LRMDA: variants seen among roughly 807,000 people sequenced by gnomAD.
LRMDA encodes the protein leucine-rich melanocyte differentiation-associated protein.
In LRMDA, 18 loss-of-function variants were observed where a neutral mutation model predicts 29.8. The ratio of observed to expected loss-of-function variants is 0.60; its 90% CI spans 0.42 to 0.90. The LOEUF (loss-of-function observed/expected upper bound fraction) is 0.90. Among genes scored for constraint, LRMDA ranks in the 40% least tolerant of loss-of-function variants. The pLI is 0.00. For synonymous variants in LRMDA, 125 were observed against 109.4 expected (o/e 1.14, Z -0.89); for missense variants, 273 against 273.9 (o/e 1.00, Z 0.02).
intron 5 of LRMDA, among the ~76,000 whole-genome samples, chr10:76,081,529 G>A (rs1849050150): frequency 6.6e-6 from 1 of 152,196 alleles, no homozygotes; most frequent in Non-Finnish European, 1.5e-5. Flanking sequence ...GCCACAGATT[G>A]TGTTTAGGAT....
intron 5 of LRMDA, among the ~76,000 whole-genome samples, chr10:76,130,112 A>G (rs1589340552): frequency 9.7e-6 from 1 of 102,910 alleles, no homozygotes; most frequent in African/African-American, 4.9e-5. Flanking sequence ...GTGGCTGCTC[A>G]AAGTTTTTTT....
intron 6 of LRMDA, among the ~76,000 whole-genome samples, chr10:76,473,440 C>A (rs538534576): frequency 8.6e-5 from 13 of 151,482 alleles, no homozygotes; most frequent in Middle Eastern, 3.4e-3. Context: ...TGTTTTCCCC[C>A]CTATGATCAG....
intron 2 of LRMDA, among the ~76,000 whole-genome samples, chr10:75,999,236 C>T (rs1261152033): frequency 6.6e-6 from 1 of 152,190 alleles, no homozygotes; most frequent in Non-Finnish European, 1.5e-5. Context: ...GGCACAAGGA[C>T]TACCTTCTTT....
intron 6 of LRMDA, among the ~76,000 whole-genome samples, chr10:76,533,632 G>A (rs1843259990): frequency 6.6e-6 from 1 of 152,078 alleles, no homozygotes; most frequent in African/African-American, 2.4e-5. Flanking sequence ...TCTATTTTAA[G>A]AATAGACACT....
intron 2 of LRMDA, among the ~76,000 whole-genome samples, chr10:75,631,391 G>T (rs1393497317): frequency 6.6e-6 from 1 of 151,162 alleles, no homozygotes; most frequent in African/African-American, 2.5e-5. Context: ...TCCAGGCAGT[G>T]AACCTCACTG....
intron 2 of LRMDA, among the ~76,000 whole-genome samples, chr10:75,886,829 G>A (rs530051039): frequency 2.1e-4 from 32 of 152,260 alleles, no homozygotes; most frequent in African/African-American, 7.7e-4. Flanking sequence ...GGCTCAGAGA[G>A]GTTAAGTAAA....
At chr10:75,933,239 A>G (rs1195370536) in intron 2 of LRMDA, among the ~76,000 whole-genome samples, 1 of 152,168 alleles carries the variant, frequency 6.6e-6, no homozygotes, top group Non-Finnish European at 1.5e-5. Flanking sequence ...ACATCCTAGG[A>G]GGATGCTAGA....
At chr10:75,517,854 T>C (rs1227818605) in intron 2 of LRMDA, among the ~76,000 whole-genome samples, 1 of 152,220 alleles carries the variant, frequency 6.6e-6, no homozygotes, top group Non-Finnish European at 1.5e-5. Flanking sequence ...GAAAAGCTCT[T>C]ATTATTTTGA....
intron 6 of LRMDA, among the ~76,000 whole-genome samples, chr10:76,342,291 A>G (rs1045579440): frequency 5.3e-5 from 8 of 152,204 alleles, no homozygotes; most frequent in African/African-American, 1.9e-4. Context: ...AAACAAAAAA[A>G]AGATAACATA....
In LRMDA at chr10:76,109,062, T is replaced by A. The variant is rs530544929; in HGVS notation, c.516+50279T>A. Among the ~76,000 whole-genome samples the A allele has an allele frequency of 2.6e-5, 4 of 152,270 alleles. No individual in the cohort carries two copies. The South Asian group carries it at 6.2e-4, about 24-fold the overall frequency. ...CTCACTCACATGCCCCACAGTCATATCTCAACTTGGTTGTAGCTCTCCCTC... is the reference window on the plus strand; with the variant it reads ...CTCACTCACATGCCCCACAGTCATAACTCAACTTGGTTGTAGCTCTCCCTC... On this transcript the variant is annotated intron_variant, in intron 5 of 6. Transcript: ENST00000611255.
rs529283765 is a variant in LRMDA, at chr10:76,379,136, C to T, written c.601+54651C>T. 5.4e-5 allele frequency among the ~76,000 whole-genome samples: 8 copies of T among 149,388 alleles called. No individual in the cohort carries two copies. In the South Asian group the frequency reaches 1.1e-3, roughly 20 times the overall value. Reference sequence around the variant, plus strand: ...CCTCCCAAAGTGCTGAGATTACAGGCGTGAGCCACTGTGCCTGGCCTTCTT... The same window carrying T: ...CCTCCCAAAGTGCTGAGATTACAGGTGTGAGCCACTGTGCCTGGCCTTCTT... On this transcript the variant is annotated intron_variant, in intron 6 of 6. Transcript: ENST00000611255.
chr10:76,076,203 C>T (rs1367737773), intron 5 of LRMDA, among the ~76,000 whole-genome samples: 2 of 151,690 alleles, frequency 1.3e-5, no homozygotes, highest in South Asian at 2.1e-4. Flanking sequence ...ATTAGCTGGA[C>T]GTGGTGGCGG....
intron 2 of LRMDA, among the ~76,000 whole-genome samples, chr10:75,457,575 G>C (rs912670127): frequency 2.6e-5 from 4 of 152,146 alleles, no homozygotes; most frequent in African/African-American, 9.7e-5. Context: ...TTTTCAGGAG[G>C]AGATAAAACT....
Position 75,957,543 on chromosome 10 carries a change from G to A in LRMDA, c.132-78465G>A, listed in dbSNP as rs186445439. Among the ~76,000 whole-genome samples the A allele has an allele frequency of 7.9e-5, 12 of 152,312 alleles. No homozygotes were observed. In the East Asian group the frequency reaches 2.3e-3, roughly 29 times the overall value. ...TTCATTGTCACCAACGGGCCTATGA[G>A]GAACTGATGAATGAGGGAGCAAGTG... On this transcript the variant is annotated intron_variant, in intron 2 of 6. Coordinates refer to ENST00000611255, the MANE Select transcript of LRMDA (RefSeq NM_001305581.2).
chr10:76,327,102 T>TC (rs2132401634), intron 6 of LRMDA, among the ~76,000 whole-genome samples: 1 of 151,286 alleles, frequency 6.6e-6, no homozygotes. Context: ...CTTTTTTTTT[T>TC]TTTTTTTGAG....
intron 5 of LRMDA, among the ~76,000 whole-genome samples, chr10:76,129,230 AC>A (rs979299763): frequency 1.3e-5 from 2 of 151,826 alleles, no homozygotes; most frequent in Non-Finnish European, 2.9e-5. Flanking sequence ...GTGGGCTGAT[AC>A]CCCCTTCACT....
At chr10:76,392,167 A>G (rs556308336) in intron 6 of LRMDA, among the ~76,000 whole-genome samples, 3 of 152,208 alleles carry the variant, frequency 2.0e-5, no homozygotes, top group African/African-American at 7.2e-5. Flanking sequence ...ATTTGCATTA[A>G]TATATTCAGT....
At chr10:76,094,992 T>C (rs188351160) in intron 5 of LRMDA, among the ~76,000 whole-genome samples, 28 of 152,312 alleles carry the variant, frequency 1.8e-4, no homozygotes, top group Admixed American at 1.4e-3. Context: ...AATTTACTTA[T>C]AGTAAAATTT....
At position 76,519,500 on chromosome 10, in the gene LRMDA, CA is replaced by C. The variant is rs542850436; in HGVS notation, c.602-37704del. On this transcript the variant is annotated intron_variant, in intron 6 of 6. Coordinates refer to ENST00000611255, the MANE Select transcript of LRMDA (RefSeq NM_001305581.2). ...TTCCATCCAGACTGTCCTGCAGAGA[CA>C]AAAACATATTCATATATGTTTGGCA... Among the ~76,000 whole-genome samples the C allele has an allele frequency of 2.3e-3, 351 of 152,224 alleles. 2 individuals are homozygous for C. The highest frequency in any genetic ancestry group is 0.01 in the Middle Eastern group (3 of 294).
Sources: gnomAD v4.1 joint callset for allele counts (sites outside exome capture counted in the v4.1 genomes callset) on GRCh38, gnomAD v4.1.1 for gene constraint, MANE v1.5 for transcripts, NCBI Gene and HGNC (gene_info 2026-07-23, HGNC 2026-07-21) for gene names.